DPP10: variants seen among roughly 807,000 people sequenced by gnomAD.
The protein encoded by DPP10 is inactive dipeptidyl peptidase 10.
Under a neutral mutation model 120.9 loss-of-function variants are expected in DPP10, and 33 were observed. The ratio of observed to expected loss-of-function variants is 0.27; its 90% confidence interval spans 0.21 to 0.37. The LOEUF (loss-of-function observed/expected upper bound fraction) is 0.37, where lower values mean the gene tolerates loss of function less well. DPP10 is among the 10% of genes least tolerant of loss of function. DPP10 has a pLI of 1.00. For missense variants in DPP10, 816 were observed against 942.8 expected, an observed-to-expected ratio of 0.87 and a Z score of 1.76; for synonymous variants, 337 against 326.1, an observed-to-expected ratio of 1.03 and a Z score of -0.36.
chr2:115,025,600 C>G (rs1297859036), intron 1 of DPP10, among the ~76,000 whole-genome samples: 1 of 152,064 alleles, frequency 6.6e-6, no homozygotes, highest in African/African-American at 2.4e-5. Context: ...AATGGCTGTA[C>G]TAATAATTTA....
chr2:114,598,744 T>A (rs1237340018), intron 1 of DPP10, among the ~76,000 whole-genome samples: 4 of 151,936 alleles, frequency 2.6e-5, no homozygotes, highest in Non-Finnish European at 5.9e-5. Context: ...CTTAGCTGGT[T>A]ATTAGATCAT....
At chr2:115,198,383 T>G (rs929623303) in intron 1 of DPP10, among the ~76,000 whole-genome samples, 2 of 152,236 alleles carry the variant, frequency 1.3e-5, no homozygotes, top group African/African-American at 4.8e-5. Flanking sequence ...CAAAAATGTT[T>G]ATTGTCTGAA....
chr2:114,874,093 G>C (rs1337967793), intron 1 of DPP10, among the ~76,000 whole-genome samples: 1 of 152,150 alleles, frequency 6.6e-6, no homozygotes, highest in Non-Finnish European at 1.5e-5. Context: ...TGAAACATTA[G>C]CAGAGATTTT....
chr2:114,545,001 G>A (rs1334369404), intron 1 of DPP10, among the ~76,000 whole-genome samples: 4 of 151,758 alleles, frequency 2.6e-5, no homozygotes, highest in South Asian at 2.1e-4. Flanking sequence ...ACAGGCGCCC[G>A]CCACCATGCC....
At chr2:115,427,340 T>C (rs1343432750) in intron 3 of DPP10, among the ~76,000 whole-genome samples, 1 of 152,236 alleles carries the variant, frequency 6.6e-6, no homozygotes, top group Non-Finnish European at 1.5e-5. Context: ...CTGTGAGGGC[T>C]CTGCCCCTAA....
chr2:114,907,490 G>A (rs953950428), intron 1 of DPP10, among the ~76,000 whole-genome samples: 3 of 152,006 alleles, frequency 2.0e-5, no homozygotes, highest in African/African-American at 4.8e-5. Flanking sequence ...AATTTAGTAT[G>A]TTGTGTCTTT....
intron 5 of DPP10, among the ~76,000 whole-genome samples, chr2:115,534,784 C>A (rs1175561376): frequency 6.6e-6 from 1 of 151,016 alleles, no homozygotes; most frequent in Non-Finnish European, 1.5e-5. Flanking sequence ...TGTTTCCTGA[C>A]TTTTTTAATG....
chr2:115,056,479 C>T (rs911569480), intron 1 of DPP10, among the ~76,000 whole-genome samples: 3 of 152,156 alleles, frequency 2.0e-5, no homozygotes, highest in Non-Finnish European at 4.4e-5. Flanking sequence ...CCTACCTCAG[C>T]TCCCTCAGTA....
rs35035219 is a variant in DPP10 at position 115,785,839 on chromosome 2, GTT to G, written c.1531+3451_1531+3452del. On this transcript the variant is annotated intron_variant, in intron 17 of 25. Transcript: ENST00000410059. ...TTCATTCAGTTCAGCTCTGATGTGG[GTT>G]TTTTTTTTTTCTTCCTCCTGTAGCT... Among the ~76,000 whole-genome samples the G allele has an allele frequency of 3.5e-5, 5 of 143,816 alleles. 1 individual carries two copies. Among genetic ancestry groups the G allele is most frequent in the South Asian group, 4.3e-4 (2 of 4,658 alleles). 94.3% of individuals were successfully genotyped at this position (143,816 alleles called of 152,430 possible).
chr2:114,709,616 T>C (rs1345722488), intron 1 of DPP10, among the ~76,000 whole-genome samples: 2 of 152,172 alleles, frequency 1.3e-5, no homozygotes, highest in African/African-American at 4.8e-5. Flanking sequence ...CTATACCTTT[T>C]CCCCTTTGCC....
intron 1 of DPP10, among the ~76,000 whole-genome samples, chr2:114,610,704 C>T (rs1348922951): frequency 1.3e-5 from 2 of 152,118 alleles, no homozygotes; most frequent in Admixed American, 6.6e-5. Context: ...AACTCTCTCA[C>T]CCACAGTTAA....
intron 1 of DPP10, among the ~76,000 whole-genome samples, chr2:114,611,145 A>G (rs1247686125): frequency 6.6e-6 from 1 of 152,100 alleles, no homozygotes; most frequent in Non-Finnish European, 1.5e-5. Flanking sequence ...AGGCATGACA[A>G]GGTTCAGGCA....
chr2:115,819,858 G>A lies in DPP10; in HGVS notation c.1950+4129G>A, dbSNP rs1162457091. Among the ~76,000 whole-genome samples the A allele has an allele frequency of 5.3e-5, 8 of 152,164 alleles. No homozygotes were observed. The East Asian group carries it at 5.8e-4, about 11-fold the overall frequency. On this transcript the variant is annotated intron_variant, in intron 21 of 25. Transcript: ENST00000410059. ...AAAAATACAAAACTAGCCGGGCATGGTGGCACATGCCTGTAATCCCAGCTA... is the reference window on the plus strand; with the variant it reads ...AAAAATACAAAACTAGCCGGGCATGATGGCACATGCCTGTAATCCCAGCTA...
chr2:115,558,594 A>G (rs2149035856), intron 5 of DPP10, among the ~76,000 whole-genome samples: 1 of 152,272 alleles, frequency 6.6e-6, no homozygotes, highest in East Asian at 1.9e-4. Context: ...AAAAGTACTG[A>G]CCTTCCTAAG....
intron 1 of DPP10, among the ~76,000 whole-genome samples, chr2:114,959,219 C>G (rs1337867057): frequency 6.6e-6 from 1 of 152,084 alleles, no homozygotes; most frequent in East Asian, 1.9e-4. Flanking sequence ...TATGTAATGA[C>G]CAATTTAAAG....
At chr2:115,037,072 A>G (rs1704274111) in intron 1 of DPP10, among the ~76,000 whole-genome samples, 2 of 152,188 alleles carry the variant, frequency 1.3e-5, no homozygotes, top group Non-Finnish European at 2.9e-5. Context: ...AAAACAGACC[A>G]GAACTCATTA....
At chr2:114,713,811 C>G (rs1202734726) in intron 1 of DPP10, among the ~76,000 whole-genome samples, 1 of 151,660 alleles carries the variant, frequency 6.6e-6, no homozygotes, top group Non-Finnish European at 1.5e-5. Flanking sequence ...CATGGTGAAC[C>G]CTTGTCTCTA....
intron 1 of DPP10, among the ~76,000 whole-genome samples, chr2:115,002,659 A>G (rs1198708312): frequency 6.6e-6 from 1 of 152,188 alleles, no homozygotes; most frequent in Non-Finnish European, 1.5e-5. Flanking sequence ...AACTTAAACA[A>G]ATGTACAAGA....
Position 115,146,035 on chromosome 2 carries a change from C to T in DPP10, c.61-163204C>T, listed in dbSNP as rs147051963. Among the ~76,000 whole-genome samples the T allele has an allele frequency of 2.8e-3, 428 of 152,100 alleles. 3 individuals carry two copies. Among genetic ancestry groups the T allele is most frequent in the African/African-American group, 9.6e-3 (400 of 41,516 alleles). ...TTTCATATATTTTCTCATAACCCTA[C>T]GAGTCAGATACACCATTATTATGCA... On this transcript the variant is annotated intron_variant, in intron 1 of 25. Transcript: ENST00000410059.
Sources: gnomAD v4.1 joint callset for allele counts (sites outside exome capture counted in the v4.1 genomes callset) on GRCh38, gnomAD v4.1.1 for gene constraint, MANE v1.5 for transcripts, NCBI Gene and HGNC (gene_info 2026-07-23, HGNC 2026-07-21) for gene names.